The following CCDC196 variants were observed in gnomAD, a reference collection of about 807,000 sequenced individuals.
The protein encoded by CCDC196 is coiled-coil domain-containing protein 196.
At chr14:66,496,173 G>C in intron 8 of CCDC196, 1 of 438,594 alleles carries the variant, frequency 2.3e-6, no homozygotes, top group Non-Finnish European at 4.6e-6. Flanking sequence ...CTTAGAGAAA[G>C]GGTGGAATAT....
At chr14:66,489,425 T>C (rs2057487157) in intron 4 of CCDC196, among the ~76,000 whole-genome samples, 1 of 152,194 alleles carries the variant, frequency 6.6e-6, no homozygotes. Flanking sequence ...TTTCTCATGG[T>C]TGGCTCATTC....
chr14:66,490,478 T>C (rs12435913), intron 4 of CCDC196, among the ~76,000 whole-genome samples: 4,192 of 152,226 alleles, frequency 0.028, 83 homozygotes, highest in Non-Finnish European at 0.039. Context: ...GTAAGGAAAA[T>C]AAGCAGAGTA....
chr14:66,487,003 A>G (rs890382964), intron 2 of CCDC196, among the ~76,000 whole-genome samples, 194 bp downstream of exon 2: 4 of 152,168 alleles, frequency 2.6e-5, no homozygotes, highest in Admixed American at 2.6e-4. Context: ...TTAGTAAATT[A>G]AATATGACTC....
At chr14:66,493,980 T>C (rs1408175431) in intron 8 of CCDC196, 1 of 152,204 alleles carries the variant, frequency 6.6e-6, no homozygotes, top group African/African-American at 2.4e-5. Flanking sequence ...CAGAATCAAA[T>C]TAAGTCTAAA....
chr14:66,497,029 GGCTGAACTACACTTCAGCAGGT>G (rs1419581690), intron 8 of CCDC196, among the ~76,000 whole-genome samples: 2 of 152,086 alleles, frequency 1.3e-5, no homozygotes, highest in Non-Finnish European at 2.9e-5. Context: ...TCTTCCTGAT[GGCTGAACTACACTTCAGCAGGT>G]GCTGCTGAAG....
At chr14:66,491,906 G>A (rs980279231) in intron 7 of CCDC196, 147 bp from the exon 8 acceptor site, 1 of 405,576 alleles carries the variant, frequency 2.5e-6, no homozygotes, top group South Asian at 1.4e-4. Flanking sequence ...TCTAAATGGG[G>A]AAAAATCACA....
chr14:66,486,590 GTC>G (rs10569333), intron 1 of CCDC196, 38 bp downstream of exon 1: 127,276 of 323,498 alleles, frequency 0.39, 9,970 homozygotes, highest in African/African-American at 0.63. Flanking sequence ...AGAAAAGAGG[GTC>G]TCTCTCTCTC....
chr14:66,496,614 T>C (rs915775996), intron 8 of CCDC196: 18 of 301,738 alleles, frequency 6.0e-5, no homozygotes, highest in African/African-American at 3.7e-4. Context: ...CTAACTTCTA[T>C]AGAGTCCAGA....
intron 8 of CCDC196, 37 bp downstream of exon 8, chr14:66,492,231 T>G (rs751114505): frequency 9.7e-6 from 4 of 413,444 alleles, no homozygotes; most frequent in Non-Finnish European, 1.8e-5. Context: ...TTTGAGGTTT[T>G]GTTTTGTTTA....
chr14:66,489,943 T>C (rs1378154783), intron 4 of CCDC196, among the ~76,000 whole-genome samples: 1 of 152,158 alleles, frequency 6.6e-6, no homozygotes, highest in South Asian at 2.1e-4. Context: ...TTACAGACTA[T>C]GCAACTAGAA....
chr14:66,489,813 A>G (rs1415150865), intron 4 of CCDC196, among the ~76,000 whole-genome samples: 1 of 152,196 alleles, frequency 6.6e-6, no homozygotes, highest in East Asian at 1.9e-4. Context: ...TAAGATAACA[A>G]TATTAGGGCC....
At chr14:66,495,701 A>C (rs1010880459) in intron 8 of CCDC196, 2 of 152,692 alleles carry the variant, frequency 1.3e-5, no homozygotes, top group Admixed American at 6.5e-5. Context: ...CTTCAAGTCC[A>C]CAGAGTGGTA....
At chr14:66,491,197 C>T (rs2057526878) in intron 6 of CCDC196, 93 bp downstream of exon 6, 1 of 405,770 alleles carries the variant, frequency 2.5e-6, no homozygotes, top group Admixed American at 4.4e-5. Flanking sequence ...ATGGTGTGCT[C>T]TTGGACCAAT....
rs1456172024 is a variant in CCDC196, at chr14:66,490,757, G to T, written c.367G>T (p.Glu123Ter). 1 of 399,476 alleles carries T rather than the reference G, an allele frequency of 2.5e-6. No individual in the cohort carries two copies. Among genetic ancestry groups the T allele is most frequent in the East Asian group, 3.6e-5 (1 of 28,076 alleles). 24.7% of individuals were successfully genotyped at this position (399,476 alleles called of 1,614,324 possible). The change falls in exon 5 of 10, where the codon GAA (glutamate) becomes TAA (stop). Residue 123 changes from glutamate to a stop codon, truncating the protein, a stop_gained. Coordinates refer to ENST00000636229, the MANE Select transcript of CCDC196 (RefSeq NM_001351576.1). LOFTEE classifies it high-confidence loss of function. ...MLWNKTFEAEELSDQQKAPQT... is the reference protein window; with the variant it reads ...MLWNKTFEAE ...CTTTCCACAGACATTCGAGGCAGAAGAACTTAGTGATCAACAAAAAGCACC... is the reference window on the plus strand; with the variant it reads ...CTTTCCACAGACATTCGAGGCAGAATAACTTAGTGATCAACAAAAAGCACC...
chr14:66,492,018 C>T (rs2057551380), intron 7 of CCDC196, 35 bp from the exon 8 acceptor site: 1 of 412,806 alleles, frequency 2.4e-6, no homozygotes, highest in Non-Finnish European at 4.4e-6. Flanking sequence ...GAAGCCAATC[C>T]TATATGTGTA....
At chr14:66,492,723 G>A (rs2057572012) in intron 8 of CCDC196, 1 of 152,598 alleles carries the variant, frequency 6.6e-6, no homozygotes, top group African/African-American at 2.4e-5. Flanking sequence ...TAAAGATAAA[G>A]TAATATATTA....
At chr14:66,494,340 C>T (rs900433138) in intron 8 of CCDC196, among the ~76,000 whole-genome samples, 2 of 152,022 alleles carry the variant, frequency 1.3e-5, no homozygotes, top group Non-Finnish European at 2.9e-5. Context: ...GGTTATGTGG[C>T]CTATTTTTTC....
chr14:66,495,172 C>T (rs1241385628), intron 8 of CCDC196, among the ~76,000 whole-genome samples: 1 of 152,108 alleles, frequency 6.6e-6, no homozygotes, highest in Non-Finnish European at 1.5e-5. Flanking sequence ...TGTCCCAACA[C>T]CGAAATTTAT....
At position 66,490,835 on chromosome 14, in the gene CCDC196, G is replaced by A; in HGVS notation, c.429+16G>A. On this transcript the variant is annotated intron_variant, in intron 5 of 9. Coordinates refer to ENST00000636229, the MANE Select transcript of CCDC196 (RefSeq NM_001351576.1). Reference sequence around the variant, plus strand: ...GGATGGAAAGGCAAGTGGACTGCATGTACTTAAAATTTCAAGATTGTCGAT... The same window carrying A: ...GGATGGAAAGGCAAGTGGACTGCATATACTTAAAATTTCAAGATTGTCGAT... 2.5e-6 allele frequency: 1 copy of A among 400,698 alleles called. No individual in the cohort carries two copies. The allele number at this position is 400,698 out of a possible 1,614,324, so 24.8% of individuals were successfully genotyped here.
Sources: allele counts gnomAD v4.1 joint callset (sites outside exome capture counted in the v4.1 genomes callset), GRCh38; gene constraint gnomAD v4.1.1; transcripts MANE v1.5; gene names NCBI Gene and HGNC (gene_info 2026-07-23, HGNC 2026-07-21).